Variants in PPFIA2 observed in about 807,000 individuals in gnomAD.
PPFIA2 encodes liprin-alpha-2.
A neutral mutation model predicts 175.5 loss-of-function variants in PPFIA2; 46 were observed. The ratio of observed to expected loss-of-function variants is 0.26; its 90% CI spans 0.21 to 0.34. The LOEUF is 0.34. Among genes scored for constraint, PPFIA2 ranks in the 10% least tolerant of loss-of-function variants. The pLI, the probability that PPFIA2 is intolerant of heterozygous loss-of-function variation, is 1.00. For synonymous variants in PPFIA2, 568 were observed against 511.4 expected, an observed-to-expected ratio of 1.11 and a Z score of -1.49; for missense variants, 1,179 against 1,506.1, an observed-to-expected ratio of 0.78 and a Z score of 3.60.
intron 4 of PPFIA2, among the ~76,000 whole-genome samples, chr12:81,618,985 A>T (rs1271811637): frequency 6.6e-6 from 1 of 152,230 alleles, no homozygotes; most frequent in Non-Finnish European, 1.5e-5. Context: ...GTTATTTTTT[A>T]AAGTCATTCT....
intron 4 of PPFIA2, among the ~76,000 whole-genome samples, chr12:81,523,583 A>G (rs1173865538): frequency 6.6e-6 from 1 of 152,154 alleles, no homozygotes; most frequent in Non-Finnish European, 1.5e-5. Flanking sequence ...TGCCTCTGGG[A>G]AATATTATTT....
intron 3 of PPFIA2, among the ~76,000 whole-genome samples, chr12:81,750,239 CCAA>C (rs1568124120): frequency 7.0e-6 from 1 of 143,490 alleles, no homozygotes; most frequent in African/African-American, 2.4e-5. Flanking sequence ...CTGGGACACA[CCAA>C]ACAGTGTCGT....
chr12:81,754,213 A>G lies in PPFIA2; in HGVS notation c.9T>C (p.Cys3=), dbSNP rs1167069316. ...CCTCATTAATCGTGGGCATCACTTCACACATCATTGCTTAAAGAAAGTAAG... is the reference window on the plus strand; with the variant it reads ...CCTCATTAATCGTGGGCATCACTTCGCACATCATTGCTTAAAGAAAGTAAG... MM[C]EVMPTINEDT... The change falls in exon 3 of 33, where the codon TGT becomes TGC. Residue 3 remains cysteine, a synonymous_variant. Transcript: ENST00000549396. 6.2e-7 allele frequency: 1 copy of G among 1,601,444 alleles called. No homozygotes were observed. The highest frequency in any genetic ancestry group is 2.2e-5 in the East Asian group (1 of 44,594).
chr12:81,268,661 A>G (rs1436935914), intron 28 of PPFIA2, among the ~76,000 whole-genome samples: 1 of 152,186 alleles, frequency 6.6e-6, no homozygotes, highest in Non-Finnish European at 1.5e-5. Flanking sequence ...GTAGAACACG[A>G]TGTCTGTGTT....
chr12:81,426,551 A>G (rs1387146311), intron 7 of PPFIA2, among the ~76,000 whole-genome samples: 4 of 152,206 alleles, frequency 2.6e-5, no homozygotes, highest in Non-Finnish European at 1.5e-5. Context: ...GTAAATACCA[A>G]CTGATCAAGT....
intron 4 of PPFIA2, among the ~76,000 whole-genome samples, chr12:81,638,098 A>G (rs1045940973): frequency 1.3e-5 from 2 of 152,076 alleles, no homozygotes; most frequent in African/African-American, 2.4e-5. Flanking sequence ...ATCACTATTT[A>G]TTCCTCATTA....
chr12:81,351,877 G>A (rs1359394945), intron 17 of PPFIA2, among the ~76,000 whole-genome samples: 1 of 151,974 alleles, frequency 6.6e-6, no homozygotes, highest in Non-Finnish European at 1.5e-5. Context: ...TGGCACACTA[G>A]CCTGGGTAGC....
rs144703264 is a variant in PPFIA2 at position 81,658,265 on chromosome 12, T to C, written c.303+18526A>G. On this transcript the variant is annotated intron_variant, in intron 4 of 32. Coordinates refer to ENST00000549396, the MANE Select transcript of PPFIA2 (RefSeq NM_003625.5). ...CCTGGGCAACAAGAGCAAAACTCCA[T>C]CTCAAAAAAAAAAAAAAAAGAAAAG... is the stretch of plus-strand genomic sequence containing the variant. Among the ~76,000 whole-genome samples the C allele has an allele frequency of 3.3e-3, 349 of 104,940 alleles. 3 individuals carry two copies. The highest frequency in any genetic ancestry group is 0.013 in the African/African-American group (317 of 24,224). The allele number at this position is 104,940 out of a possible 152,430, so 68.8% of individuals were successfully genotyped here.
intron 4 of PPFIA2, among the ~76,000 whole-genome samples, chr12:81,520,204 T>C (rs1368580512): frequency 6.6e-6 from 1 of 152,138 alleles, no homozygotes; most frequent in Non-Finnish European, 1.5e-5. Flanking sequence ...ATCATGATGT[T>C]GATGGCTGGA....
intron 4 of PPFIA2, among the ~76,000 whole-genome samples, chr12:81,605,831 T>G (rs756300723): frequency 6.6e-6 from 1 of 151,960 alleles, no homozygotes; most frequent in African/African-American, 2.4e-5. Context: ...GCCAAAATCC[T>G]GAGTTTACTC....
chr12:81,550,671 T>C (rs2067768352), intron 4 of PPFIA2, among the ~76,000 whole-genome samples: 2 of 151,894 alleles, frequency 1.3e-5, no homozygotes, highest in South Asian at 4.1e-4. Context: ...CTGATATTGA[T>C]GTGCATAGGG....
chr12:81,278,376 A>T (rs1402786656), intron 27 of PPFIA2, among the ~76,000 whole-genome samples: 1 of 151,936 alleles, frequency 6.6e-6, no homozygotes, highest in Non-Finnish European at 1.5e-5. Context: ...CCCCGTCTCT[A>T]CTAAAAGTAC....
chr12:81,485,006 C>T (rs972881000), intron 4 of PPFIA2, among the ~76,000 whole-genome samples: 41 of 151,736 alleles, frequency 2.7e-4, no homozygotes, highest in African/African-American at 9.7e-4. Context: ...TAAGAAAATG[C>T]TTATTTTATA....
Position 81,415,968 on chromosome 12 carries a change from A to G in PPFIA2, c.646-10065T>C, listed in dbSNP as rs995630698. On this transcript the variant is annotated intron_variant, in intron 7 of 32. Transcript: ENST00000549396. ...CATCATTTATTTTAACCATCTATGT[A>G]GTTCCCTAATAATTAAAATGACAAT... Among the ~76,000 whole-genome samples, 3 of 151,520 alleles carry G rather than the reference A, an allele frequency of 2.0e-5. No homozygotes were observed. The Admixed American group carries it at 2.0e-4, about 10-fold the overall frequency.
intron 3 of PPFIA2, among the ~76,000 whole-genome samples, chr12:81,716,665 C>T (rs568010878): frequency 6.6e-6 from 1 of 151,672 alleles, no homozygotes; most frequent in Non-Finnish European, 1.5e-5. Flanking sequence ...AGAAGTGATG[C>T]TTTAAACGTA....
chr12:81,440,073 G>T, intron 6 of PPFIA2, 27 bp from the exon 7 acceptor site: 5 of 1,494,018 alleles, frequency 3.3e-6, no homozygotes, highest in Non-Finnish European at 4.6e-6. Context: ...AATATGTGCA[G>T]TAATGTACAT....
At chr12:81,377,087 A>C (rs950697681) in intron 9 of PPFIA2, among the ~76,000 whole-genome samples, 7 of 152,140 alleles carry the variant, frequency 4.6e-5, no homozygotes, top group Non-Finnish European at 8.8e-5. Flanking sequence ...AAAGAGAGAA[A>C]ATACCAGAAG....
chr12:81,350,317 C>G (rs921581927), intron 17 of PPFIA2: 1 of 152,150 alleles, frequency 6.6e-6, no homozygotes, highest in Non-Finnish European at 1.5e-5. Context: ...GAAGCACTCT[C>G]TAAATATCAA....
At chr12:81,545,546 G>C (rs58639620) in intron 4 of PPFIA2, 3,304 of 156,356 alleles carry the variant, frequency 0.021, 119 homozygotes, top group African/African-American at 0.076. Context: ...CCAGAATCCT[G>C]GTCCAGAATT....
Sources: allele counts gnomAD v4.1 joint callset (sites outside exome capture counted in the v4.1 genomes callset), GRCh38; gene constraint gnomAD v4.1.1; transcripts MANE v1.5; gene names NCBI Gene and HGNC (gene_info 2026-07-23, HGNC 2026-07-21).